The following CACNB2 variants were observed in gnomAD, a reference collection of about 807,000 sequenced individuals.
CACNB2 encodes the protein voltage-dependent L-type calcium channel subunit beta-2.
A neutral mutation model predicts 73.3 loss-of-function variants in CACNB2; 42 were observed. The ratio of observed to expected loss-of-function variants is 0.57; its 90% CI spans 0.45 to 0.74. The LOEUF (loss-of-function observed/expected upper bound fraction) is 0.74, where lower values mean the gene tolerates loss of function less well. CACNB2 is among the 30% of genes least tolerant of loss of function. The probability of loss-of-function intolerance (pLI) is 0.00; values close to 1 mark genes in which losing one functional copy is unlikely to be tolerated. For missense variants in CACNB2, 940 were observed against 853.0 expected, an observed-to-expected ratio of 1.10 and a Z score of -1.27; for synonymous variants, 348 against 310.3, an observed-to-expected ratio of 1.12 and a Z score of -1.28.
At chr10:18,534,792 G>A (rs11014721) in intron 11 of CACNB2, among the ~76,000 whole-genome samples, 1 of 152,140 alleles carries the variant, frequency 6.6e-6, no homozygotes. Context: ...ACAAGCACTG[G>A]TTTGATTGAG....
intron 3 of CACNB2, among the ~76,000 whole-genome samples, chr10:18,481,206 ATATATATATATATATATATATATATTTTT>A (rs1365998469): frequency 0.019 from 239 of 12,284 alleles, 1 homozygote; most frequent in Middle Eastern, 0.071. Context: ...ATATATATAT[ATATATATATATATATATATATATATTTTT>A]TTTTTTTTTT....
At chr10:18,485,454 A>C (rs1297044771) in intron 3 of CACNB2, among the ~76,000 whole-genome samples, 3 of 151,956 alleles carry the variant, frequency 2.0e-5, no homozygotes, top group African/African-American at 7.3e-5. Context: ...ATAATAAAAG[A>C]GTAGAACAAG....
chr10:18,525,424 T>C (rs1229508969), intron 9 of CACNB2, among the ~76,000 whole-genome samples: 1 of 152,210 alleles, frequency 6.6e-6, no homozygotes, highest in Non-Finnish European at 1.5e-5. Context: ...GGAATTCTGA[T>C]TGAAATAGTT....
At chr10:18,183,814 G>A (rs950276075) in intron 2 of CACNB2, among the ~76,000 whole-genome samples, 3 of 152,164 alleles carry the variant, frequency 2.0e-5, no homozygotes, top group Non-Finnish European at 4.4e-5. Context: ...AGGAGGCCGA[G>A]TGGTACAATG....
rs575264766 is a variant in CACNB2, at chr10:18,166,696, T to C, written c.213+15721T>C. Among the ~76,000 whole-genome samples the C allele has an allele frequency of 2.6e-5, 4 of 152,154 alleles. No homozygotes were observed. In the East Asian group the frequency reaches 7.7e-4, roughly 29 times the overall value. On this transcript the variant is annotated intron_variant, in intron 2 of 13. Coordinates refer to ENST00000324631, the MANE Select transcript of CACNB2 (RefSeq NM_201596.3). ...AAAACCACTGAGGGCCCCAGGTGGC[T>C]CTAGAATGGAGACAGGAGAAAAGAA...
chr10:18,530,721 C>T (rs751411420), intron 10 of CACNB2, among the ~76,000 whole-genome samples: 14 of 152,168 alleles, frequency 9.2e-5, no homozygotes, highest in East Asian at 1.9e-4. Context: ...GTCAAACCAT[C>T]GTAAGTCATG....
intron 2 of CACNB2, among the ~76,000 whole-genome samples, chr10:18,184,649 G>GTTTTTTTTTTTTTTT (rs201899870): frequency 1.1e-5 from 1 of 87,780 alleles, no homozygotes; most frequent in Admixed American, 1.3e-4. Flanking sequence ...CTCAGACTTT[G>GTTTTTTTTTTTTTTT]TTTTTTTTTT....
intron 3 of CACNB2, among the ~76,000 whole-genome samples, chr10:18,442,619 T>G (rs1185625427): frequency 1.3e-5 from 2 of 151,300 alleles, no homozygotes; most frequent in African/African-American, 2.4e-5. Flanking sequence ...GAGGTCAAGA[T>G]ATCAAGACCA....
chr10:18,152,733 C>CAAAAAAAAAAAAAAAAAAAAAA (rs1461809120), intron 2 of CACNB2, among the ~76,000 whole-genome samples: 1 of 89,378 alleles, frequency 1.1e-5, no homozygotes, highest in African/African-American at 5.3e-5. Flanking sequence ...AAAAAAAAAA[C>CAAAAAAAAAAAAAAAAAAAAAA]AAAAAACAAA....
intron 3 of CACNB2, among the ~76,000 whole-genome samples, chr10:18,429,883 G>T (rs1439629142): frequency 1.3e-5 from 2 of 151,916 alleles, no homozygotes; most frequent in East Asian, 1.9e-4. Context: ...GGAGGCTGGG[G>T]TGGGAAGATC....
At position 18,217,300 on chromosome 10, in the gene CACNB2, A is replaced by G. The variant is rs561496204; in HGVS notation, c.213+66325A>G. The stretch of plus-strand genomic sequence containing the variant: ...GGAGTTCGAGACCAGTCTGGCCAAC[A>G]TGGTAAAACCCCATCTCTCCTGAAA... On this transcript the variant is annotated intron_variant, in intron 2 of 13. Coordinates refer to ENST00000324631, the MANE Select transcript of CACNB2 (RefSeq NM_201596.3). Among the ~76,000 whole-genome samples, 4 of 152,248 alleles carry G rather than the reference A, an allele frequency of 2.6e-5. No individual in the cohort carries two copies. The South Asian group carries it at 8.3e-4, about 32-fold the overall frequency.
rs150274314 is a variant in CACNB2, at chr10:18,250,588, C to A, written c.213+99613C>A. 3.6e-3 allele frequency among the ~76,000 whole-genome samples: 546 copies of A among 151,840 alleles called. 6 individuals carry two copies. The highest frequency in any genetic ancestry group is 0.012 in the African/African-American group (489 of 41,376). ...TAAATGTAGAGGGTGCCTAAGCTAG[C>A]AATGACTATGGACGAATGTCTTTTA... is the stretch of plus-strand genomic sequence containing the variant. On this transcript the variant is annotated intron_variant, in intron 2 of 13. Transcript: ENST00000324631.
chr10:18,365,758 A>C (rs1044534361), intron 2 of CACNB2, among the ~76,000 whole-genome samples: 5 of 152,192 alleles, frequency 3.3e-5, no homozygotes, highest in African/African-American at 1.2e-4. Context: ...GAGAGCCTCC[A>C]TTATTCCTTA....
intron 2 of CACNB2, chr10:18,262,058 G>C (rs187767852): frequency 9.7e-6 from 5 of 518,124 alleles, no homozygotes; most frequent in African/African-American, 1.9e-5. Flanking sequence ...TTCAGGAAGG[G>C]TTGTAAAAGG....
chr10:18,519,844 G>A (rs544145490), intron 9 of CACNB2: 27 of 415,042 alleles, frequency 6.5e-5, no homozygotes, highest in South Asian at 4.6e-4. Context: ...CCTTCACATT[G>A]CTAAATCCAG....
intron 6 of CACNB2, among the ~76,000 whole-genome samples, 180 bp from the exon 7 acceptor site, chr10:18,514,056 G>C (rs1240478693): frequency 1.3e-5 from 2 of 151,870 alleles, no homozygotes; most frequent in African/African-American, 2.4e-5. Flanking sequence ...AGTTTCATTA[G>C]ATTTGATTAC....
chr10:18,243,794 G>A (rs2036753861), intron 2 of CACNB2, among the ~76,000 whole-genome samples: 1 of 152,146 alleles, frequency 6.6e-6, no homozygotes, highest in African/African-American at 2.4e-5. Context: ...GCCCTCACCA[G>A]ATACAGCTGC....
chr10:18,283,300 C>T (rs1043158227), intron 2 of CACNB2, among the ~76,000 whole-genome samples: 6 of 152,146 alleles, frequency 3.9e-5, no homozygotes, highest in Admixed American at 2.6e-4. Flanking sequence ...TACCATTTGA[C>T]CCAACCATCC....
intron 2 of CACNB2, among the ~76,000 whole-genome samples, chr10:18,182,632 G>A (rs186507830): frequency 6.6e-6 from 1 of 151,886 alleles, no homozygotes; most frequent in East Asian, 1.9e-4. Context: ...GACCAGCCTG[G>A]GCAACGTGGT....
Sources: gnomAD v4.1 joint callset for allele counts (sites outside exome capture counted in the v4.1 genomes callset) on GRCh38, gnomAD v4.1.1 for gene constraint, MANE v1.5 for transcripts, NCBI Gene and HGNC (gene_info 2026-07-23, HGNC 2026-07-21) for gene names.